Variants in TBC1D15 observed in about 807,000 individuals in gnomAD.
The protein encoded by TBC1D15 is TBC1 domain family member 15, also known as GAP for RAB7.
A neutral mutation model predicts 95.4 loss-of-function variants in TBC1D15; 39 were observed. That is an observed-to-expected ratio of 0.41 (90% CI 0.32 to 0.53). The LOEUF (loss-of-function observed/expected upper bound fraction) is 0.53, where lower values mean the gene tolerates loss of function less well. TBC1D15 is among the 20% of genes least tolerant of loss of function. The pLI is 0.29. For missense variants in TBC1D15, 733 were observed against 794.3 expected (o/e 0.92, Z 0.93); for synonymous variants, 258 against 261.3 (o/e 0.99, Z 0.12).
rs1039873802 is a variant in TBC1D15, at chr12:71,881,585, C to T, written c.343+978C>T. Among the ~76,000 whole-genome samples, 84 of 152,104 alleles carry T rather than the reference C, an allele frequency of 5.5e-4. 1 individual carries two copies. The highest frequency in any genetic ancestry group is 1.8e-3 in the African/African-American group (76 of 41,402). ...CTTAGCAAAAAACGACAGATGTAAT[C>T]CTGCTTATGGCTTGACCACAGACTT... is the stretch of plus-strand genomic sequence containing the variant. On this transcript the variant is annotated intron_variant, in intron 4 of 16. Transcript: ENST00000485960.
chr12:71,904,354 G>A (rs1409753039), intron 10 of TBC1D15, among the ~76,000 whole-genome samples: 1 of 152,188 alleles, frequency 6.6e-6, no homozygotes, highest in Non-Finnish European at 1.5e-5. Context: ...AGAGAAAATA[G>A]AAGAAGACTT....
intron 1 of TBC1D15, chr12:71,854,666 G>T (rs1888618998): frequency 2.6e-5 from 12 of 456,382 alleles, no homozygotes; most frequent in South Asian, 1.9e-4. Flanking sequence ...CATATACATA[G>T]AGTGGTTTTA....
intron 12 of TBC1D15, among the ~76,000 whole-genome samples, chr12:71,914,271 A>G (rs1349430002): frequency 6.6e-6 from 1 of 152,100 alleles, no homozygotes; most frequent in Admixed American, 6.6e-5. Context: ...TCTGTTTCAG[A>G]GATAAAGCTT....
chr12:71,914,421 A>T (rs1463121872), intron 12 of TBC1D15, among the ~76,000 whole-genome samples: 1 of 152,044 alleles, frequency 6.6e-6, no homozygotes, highest in Non-Finnish European at 1.5e-5. Context: ...TCCCAGAAGT[A>T]TGTGATTATT....
chr12:71,881,173 G>A (rs1175012297), intron 4 of TBC1D15, among the ~76,000 whole-genome samples: 1 of 152,118 alleles, frequency 6.6e-6, no homozygotes, highest in Non-Finnish European at 1.5e-5. Context: ...GTCACGTAGC[G>A]ACATCATAGT....
intron 10 of TBC1D15, among the ~76,000 whole-genome samples, chr12:71,899,582 C>T (rs950225271): frequency 1.3e-5 from 2 of 152,248 alleles, no homozygotes; most frequent in African/African-American, 2.4e-5. Flanking sequence ...AGCAAAACTA[C>T]GCAGTAAGCT....
chr12:71,857,020 G>C (rs1207096464), intron 1 of TBC1D15, among the ~76,000 whole-genome samples: 2 of 152,246 alleles, frequency 1.3e-5, no homozygotes, highest in African/African-American at 2.4e-5. Flanking sequence ...TTTTCGTAAA[G>C]TAATGCGTAA....
At chr12:71,902,691 C>A (rs1325121042) in intron 10 of TBC1D15, among the ~76,000 whole-genome samples, 1 of 152,116 alleles carries the variant, frequency 6.6e-6, no homozygotes, top group Non-Finnish European at 1.5e-5. Flanking sequence ...GAAGAAGACT[C>A]CAAAAGCAAT....
At chr12:71,904,926 G>A (rs1900314283) in intron 10 of TBC1D15, among the ~76,000 whole-genome samples, 1 of 152,162 alleles carries the variant, frequency 6.6e-6, no homozygotes, top group South Asian at 2.1e-4. Context: ...GTTAGTGATG[G>A]TGAATATAAA....
intron 12 of TBC1D15, among the ~76,000 whole-genome samples, chr12:71,917,323 A>G (rs188389147): frequency 8.5e-5 from 13 of 152,366 alleles, no homozygotes; most frequent in Admixed American, 8.5e-4. Context: ...TTTATTATGT[A>G]TAATTTGAAG....
At chr12:71,918,299 C>G in intron 13 of TBC1D15, 152 bp from the exon 14 acceptor site, 1 of 500,180 alleles carries the variant, frequency 2.0e-6, no homozygotes, top group African/African-American at 2.0e-5. Context: ...AAGAAGTCAG[C>G]CTTCAAGTTT....
chr12:71,894,556 A>G (rs1897811757), intron 6 of TBC1D15, 130 bp from the exon 7 acceptor site: 18 of 1,088,860 alleles, frequency 1.7e-5, no homozygotes, highest in Non-Finnish European at 2.4e-5. Flanking sequence ...AATTTAAGAT[A>G]ATCTTAGAAC....
At chr12:71,897,659 C>G (rs113857865) in intron 9 of TBC1D15, among the ~76,000 whole-genome samples, 188 bp from the exon 10 acceptor site, 1 of 151,806 alleles carries the variant, frequency 6.6e-6, no homozygotes, top group Non-Finnish European at 1.5e-5. Flanking sequence ...TGATATTTAT[C>G]GGTTATTTTT....
At chr12:71,895,779 A>C (rs1443385881) in intron 7 of TBC1D15, among the ~76,000 whole-genome samples, 168 bp from the exon 8 acceptor site, 1 of 152,172 alleles carries the variant, frequency 6.6e-6, no homozygotes, top group African/African-American at 2.4e-5. Flanking sequence ...AGGGAAATAC[A>C]TGTAATGCTA....
rs377602369 is a variant in TBC1D15, at chr12:71,913,807, T to C, written c.1301-19T>C. 1,444 of 1,545,266 alleles carry C rather than the reference T, an allele frequency of 9.3e-4. 6 individuals are homozygous for C. Among genetic ancestry groups the C allele is most frequent in the Non-Finnish European group, 6.2e-4 (716 of 1,148,498 alleles). On this transcript the variant is annotated intron_variant, in intron 11 of 16. Transcript: ENST00000485960. ...ATAAAACTTGGGTTTTCAGAGATGA[T>C]TTTTTCTTTTCTTTTTAGGATATGT...
intron 12 of TBC1D15, among the ~76,000 whole-genome samples, chr12:71,915,689 C>T (rs1903552158): frequency 6.6e-6 from 1 of 151,994 alleles, no homozygotes; most frequent in South Asian, 2.1e-4. Flanking sequence ...TTTCTTTGTT[C>T]TGTCATTTTC....
intron 1 of TBC1D15, among the ~76,000 whole-genome samples, chr12:71,842,305 T>C (rs1003145980): frequency 6.6e-6 from 1 of 152,220 alleles, no homozygotes; most frequent in African/African-American, 2.4e-5. Context: ...TCCACACATT[T>C]ACAAGCGACT....
intron 1 of TBC1D15, among the ~76,000 whole-genome samples, chr12:71,867,682 TCTTA>T (rs1243235013): frequency 6.6e-6 from 1 of 152,164 alleles, no homozygotes; most frequent in Admixed American, 6.5e-5. Flanking sequence ...AGAGACAGGA[TCTTA>T]CTTTGTTGCC....
At chr12:71,916,110 C>T (rs2139047813) in intron 12 of TBC1D15, among the ~76,000 whole-genome samples, 1 of 152,016 alleles carries the variant, frequency 6.6e-6, no homozygotes, top group Non-Finnish European at 1.5e-5. Context: ...TTTGTTATAC[C>T]CATCATCCAT....
Sources: allele counts gnomAD v4.1 joint callset (sites outside exome capture counted in the v4.1 genomes callset), GRCh38; gene constraint gnomAD v4.1.1; transcripts MANE v1.5; gene names NCBI Gene and HGNC (gene_info 2026-07-23, HGNC 2026-07-21).